Variants in PACRG observed in about 807,000 individuals in gnomAD.
The protein encoded by PACRG is parkin coregulated.
A neutral mutation model predicts 29.7 loss-of-function variants in PACRG; 29 were observed. The observed-to-expected ratio is 0.98, with a 90% CI of 0.73 to 1.33. PACRG has a LOEUF of 1.33. Ranked by LOEUF, PACRG falls within the 40% of genes most tolerant of loss-of-function variation. PACRG has a pLI of 0.00. For missense variants in PACRG, 279 were observed against 316.2 expected (o/e 0.88, Z 0.89); for synonymous variants, 116 against 118.7 (o/e 0.98, Z 0.15).
chr6:163,068,410 G>A (rs1279287940), intron 3 of PACRG, among the ~76,000 whole-genome samples: 3 of 151,236 alleles, frequency 2.0e-5, no homozygotes, highest in Non-Finnish European at 4.4e-5. Flanking sequence ...TGACCTATTG[G>A]CCTCCAATCT....
chr6:163,311,003 T>C (rs1053423408), intron 4 of PACRG: 1 of 152,170 alleles, frequency 6.6e-6, no homozygotes, highest in Admixed American at 6.6e-5. Flanking sequence ...AGAGAAAGCA[T>C]CCCATGGGGA....
At chr6:162,957,453 GT>G in intron 2 of PACRG, 2 of 489,526 alleles carry the variant, frequency 4.1e-6, no homozygotes, top group African/African-American at 1.9e-5. Context: ...CACATGCAGA[GT>G]TTTGGTGTTT....
chr6:163,026,569 A>G (rs1807150006), intron 2 of PACRG, among the ~76,000 whole-genome samples: 1 of 152,202 alleles, frequency 6.6e-6, no homozygotes, highest in Admixed American at 6.5e-5. Context: ...CCTTAAATAC[A>G]TGTTGGTAGG....
intron 4 of PACRG, among the ~76,000 whole-genome samples, chr6:163,289,441 A>G (rs1437902882): frequency 2.6e-5 from 4 of 152,174 alleles, no homozygotes; most frequent in African/African-American, 9.7e-5. Flanking sequence ...TTTGTAAATA[A>G]CTTCATTCTT....
In PACRG at chr6:163,040,498, A is replaced by G. The variant is rs1263337418; in HGVS notation, c.292-21652A>G. On this transcript the variant is annotated intron_variant, in intron 2 of 4. Transcript: ENST00000366888. ...GCACCAGAAAAATAGATCAACTGACAGCTTGTGCCATGTGCCTGGAAAAGC... is the reference window on the plus strand; with the variant it reads ...GCACCAGAAAAATAGATCAACTGACGGCTTGTGCCATGTGCCTGGAAAAGC... Among the ~76,000 whole-genome samples, 4 of 152,340 alleles carry G rather than the reference A, an allele frequency of 2.6e-5. No homozygotes were observed. In the East Asian group the frequency reaches 7.7e-4, roughly 29 times the overall value.
intron 2 of PACRG, among the ~76,000 whole-genome samples, chr6:162,893,541 ACT>A (rs1180198594): frequency 6.6e-6 from 1 of 151,854 alleles, no homozygotes; most frequent in East Asian, 1.9e-4. Flanking sequence ...TGTAACCCAC[ACT>A]CTGTTTTCAG....
chr6:163,185,404 T>C (rs1003680013), intron 4 of PACRG, among the ~76,000 whole-genome samples: 2 of 152,184 alleles, frequency 1.3e-5, no homozygotes, highest in African/African-American at 4.8e-5. Flanking sequence ...TGAGTAAAGT[T>C]CCAGGACAGT....
intron 4 of PACRG, among the ~76,000 whole-genome samples, chr6:163,258,361 C>T (rs1331585962): frequency 6.6e-6 from 1 of 152,074 alleles, no homozygotes; most frequent in Non-Finnish European, 1.5e-5. Context: ...CAGCAGACTC[C>T]TTTAGATGGG....
At chr6:163,177,419 AAG>A (rs2128350791) in intron 4 of PACRG, among the ~76,000 whole-genome samples, 1 of 152,334 alleles carries the variant, frequency 6.6e-6, no homozygotes, top group African/African-American at 2.4e-5. Flanking sequence ...AGAAACCTGG[AAG>A]AGTCTCACAT....
intron 4 of PACRG, among the ~76,000 whole-genome samples, chr6:163,205,682 T>C (rs938003547): frequency 8.8e-4 from 133 of 151,996 alleles, no homozygotes; most frequent in African/African-American, 3.1e-3. Context: ...CACCAAAAGA[T>C]GTTGCAACAA....
chr6:163,070,008 T>A (rs1206295945), intron 3 of PACRG, among the ~76,000 whole-genome samples: 1 of 152,104 alleles, frequency 6.6e-6, no homozygotes, highest in African/African-American at 2.4e-5. Context: ...GAGGGTGTCA[T>A]GACATATTTA....
chr6:162,780,841 A>C (rs1784041453), intron 1 of PACRG, among the ~76,000 whole-genome samples: 1 of 152,122 alleles, frequency 6.6e-6, no homozygotes, highest in East Asian at 1.9e-4. Context: ...CATAGAAAAT[A>C]TCCAAAAGGA....
chr6:163,179,410 A>C (rs891527905), intron 4 of PACRG: 3 of 291,830 alleles, frequency 1.0e-5, no homozygotes, highest in Non-Finnish European at 2.1e-5. Context: ...AAAAAAAAAA[A>C]AACTTCTGGC....
intron 4 of PACRG, among the ~76,000 whole-genome samples, chr6:163,178,425 CAA>C (rs1171238041): frequency 6.6e-6 from 1 of 152,162 alleles, no homozygotes; most frequent in Non-Finnish European, 1.5e-5. Flanking sequence ...GCCTGGAACT[CAA>C]ACGAGAAGGC....
At chr6:163,280,740 A>C (rs887262555) in intron 4 of PACRG, among the ~76,000 whole-genome samples, 14 of 152,108 alleles carry the variant, frequency 9.2e-5, no homozygotes, top group Admixed American at 2.0e-4. Flanking sequence ...GTGCACAGGG[A>C]GAGAGCGGGA....
intron 2 of PACRG, among the ~76,000 whole-genome samples, chr6:162,827,493 GA>G (rs1187112049): frequency 1.3e-5 from 2 of 152,148 alleles, no homozygotes; most frequent in African/African-American, 4.8e-5. Context: ...AATAATATTA[GA>G]ATGTAGATCA....
rs113073710 is a variant in PACRG at position 163,143,276 on chromosome 6, T to C, written c.613+53868T>C. On this transcript the variant is annotated intron_variant, in intron 4 of 4. Transcript: ENST00000366888. ...AATAAAAATAAAACACCTCAACAGC[T>C]ACTCATGATGGAAACTCTTAGCAAA... Among the ~76,000 whole-genome samples the C allele has an allele frequency of 7.2e-4, 110 of 152,310 alleles. 1 individual carries two copies. The highest frequency in any genetic ancestry group is 2.2e-3 in the African/African-American group (92 of 41,566).
chr6:163,252,092 C>T (rs970966201), intron 4 of PACRG, among the ~76,000 whole-genome samples: 1 of 152,170 alleles, frequency 6.6e-6, no homozygotes, highest in African/African-American at 2.4e-5. Context: ...TGTTGCTTAT[C>T]CACACCGCAA....
chr6:162,995,552 G>A (rs567082562), intron 2 of PACRG, among the ~76,000 whole-genome samples: 1 of 152,338 alleles, frequency 6.6e-6, no homozygotes, highest in Admixed American at 6.5e-5. Flanking sequence ...CGAACTCCCT[G>A]ACCCCTTGCG....
Sources: gnomAD v4.1 joint callset for allele counts (sites outside exome capture counted in the v4.1 genomes callset) on GRCh38, gnomAD v4.1.1 for gene constraint, MANE v1.5 for transcripts, NCBI Gene and HGNC (gene_info 2026-07-23, HGNC 2026-07-21) for gene names.